Variants in PPP1R37 observed in about 807,000 individuals in gnomAD.
PPP1R37 encodes leucine rich repeat containing 68.
In PPP1R37, 21 loss-of-function variants were observed where a neutral mutation model predicts 61.0. The ratio of observed to expected loss-of-function variants is 0.34; its 90% CI spans 0.24 to 0.50. The LOEUF is 0.50. PPP1R37 is among the 20% of genes least tolerant of loss of function. PPP1R37 has a pLI of 0.98. For missense variants in PPP1R37, 910 were observed against 952.7 expected (o/e 0.96, Z 0.59); for synonymous variants, 443 against 433.5 (o/e 1.02, Z -0.27).
At chr19:45,142,520 C>T (rs775767090) in intron 7 of PPP1R37, 62 bp downstream of exon 7, 141 of 1,476,946 alleles carry the variant, frequency 9.5e-5, no homozygotes, top group South Asian at 2.8e-4. Flanking sequence ...CCCGGCCCTG[C>T]GCTAGGTGGT....
chr19:45,115,800 C>T (rs995741514), intron 1 of PPP1R37, among the ~76,000 whole-genome samples: 1 of 152,064 alleles, frequency 6.6e-6, no homozygotes, highest in Non-Finnish European at 1.5e-5. Context: ...CATGGTGAAA[C>T]CCCGTCTCTG....
At chr19:45,129,496 A>T (rs938819008) in intron 1 of PPP1R37, among the ~76,000 whole-genome samples, 1 of 152,068 alleles carries the variant, frequency 6.6e-6, no homozygotes, top group African/African-American at 2.4e-5. Flanking sequence ...ACAGGGTTTC[A>T]CTATGTTGGC....
At chr19:45,126,198 T>C (rs1968402592) in intron 1 of PPP1R37, among the ~76,000 whole-genome samples, 1 of 152,174 alleles carries the variant, frequency 6.6e-6, no homozygotes, top group South Asian at 2.1e-4. Flanking sequence ...CTGCAGAGCC[T>C]GTGAGGTGGA....
At chr19:45,097,331 G>A (rs538611950) in intron 1 of PPP1R37, among the ~76,000 whole-genome samples, 6 of 152,126 alleles carry the variant, frequency 3.9e-5, no homozygotes, top group African/African-American at 1.4e-4. Context: ...GTCTGAAGGG[G>A]GGAGACTCAG....
At chr19:45,109,923 T>G (rs1199448341) in intron 1 of PPP1R37, among the ~76,000 whole-genome samples, 1 of 152,082 alleles carries the variant, frequency 6.6e-6, no homozygotes, top group Non-Finnish European at 1.5e-5. Context: ...GACTCTTCCC[T>G]CTGTCTGGAA....
chr19:45,115,773 G>A (rs1213260861), intron 1 of PPP1R37, among the ~76,000 whole-genome samples: 6 of 152,088 alleles, frequency 3.9e-5, no homozygotes, highest in Non-Finnish European at 7.3e-5. Context: ...TCCGGAGTTC[G>A]AGACCAGCCT....
At position 45,116,024 on chromosome 19, in the gene PPP1R37, C is replaced by G. The variant is rs544104523; in HGVS notation, c.203-22490C>G. On this transcript the variant is annotated intron_variant, in intron 1 of 12. Transcript: ENST00000221462. ...CACATGGGGGGACTCGGGTGCTTAG[C>G]ACACTGCTTGACTGGGGACCCAGGG... Among the ~76,000 whole-genome samples, 7 of 151,776 alleles carry G rather than the reference C, an allele frequency of 4.6e-5. 1 individual carries two copies. The highest frequency in any genetic ancestry group is 1.7e-4 in the African/African-American group (7 of 41,402).
chr19:45,120,543 T>C (rs1968329384), intron 1 of PPP1R37, among the ~76,000 whole-genome samples: 1 of 152,240 alleles, frequency 6.6e-6, no homozygotes, highest in African/African-American at 2.4e-5. Context: ...CTGCAGTGAC[T>C]GTCCTTACAT....
At chr19:45,128,700 G>C in intron 1 of PPP1R37, 1 of 1,055,712 alleles carries the variant, frequency 9.5e-7, no homozygotes, top group Admixed American at 2.0e-5. Flanking sequence ...TGAGATGTCT[G>C]CTTGGAAGAC....
At position 45,140,622 on chromosome 19, in the gene PPP1R37, A is replaced by T; in HGVS notation, c.447+16A>T. On this transcript the variant is annotated intron_variant, in intron 4 of 12. Coordinates refer to ENST00000221462, the MANE Select transcript of PPP1R37 (RefSeq NM_019121.2). ...GGATGAAGATGTGAGCGGCCCTGCC[A>T]CCGCCCACTTGGCTCCCTGAGCTCC... is the stretch of plus-strand genomic sequence containing the variant. 2 of 1,527,956 alleles carry T rather than the reference A, an allele frequency of 1.3e-6. No individual in the cohort carries two copies. 94.6% of individuals were successfully genotyped at this position (1,527,956 alleles called of 1,614,324 possible). A position where few individuals can be genotyped will look rare whatever the true frequency, so the allele number is the denominator to read the frequency against.
intron 1 of PPP1R37, among the ~76,000 whole-genome samples, chr19:45,114,219 C>G (rs1336363675): frequency 6.6e-6 from 1 of 152,272 alleles, no homozygotes; most frequent in African/African-American, 2.4e-5. Flanking sequence ...GGGCCAGAAT[C>G]CACCTGGGGC....
intron 1 of PPP1R37, among the ~76,000 whole-genome samples, chr19:45,102,585 G>A (rs1297386248): frequency 1.3e-5 from 2 of 152,196 alleles, no homozygotes; most frequent in Non-Finnish European, 2.9e-5. Flanking sequence ...GGCTGTAAGG[G>A]TTAGGCAGGT....
At chr19:45,131,821 T>C (rs1968481127) in intron 1 of PPP1R37, among the ~76,000 whole-genome samples, 1 of 151,966 alleles carries the variant, frequency 6.6e-6, no homozygotes. Context: ...CATCATCACG[T>C]TTTTCTCCAT....
At chr19:45,098,504 C>T (rs1008098150) in intron 1 of PPP1R37, among the ~76,000 whole-genome samples, 22 of 152,216 alleles carry the variant, frequency 1.4e-4, no homozygotes, top group African/African-American at 5.1e-4. Flanking sequence ...GACCATCAGT[C>T]CTCCAGTGTG....
At chr19:45,144,774 C>T (rs1376816749) in intron 8 of PPP1R37, 80 bp from the exon 9 acceptor site, 4 of 1,274,274 alleles carry the variant, frequency 3.1e-6, no homozygotes, top group East Asian at 2.7e-5. Context: ...GCTCTCTTCC[C>T]GGCTTCTTTC....
chr19:45,111,320 G>A (rs1394218070), intron 1 of PPP1R37, among the ~76,000 whole-genome samples: 2 of 151,752 alleles, frequency 1.3e-5, no homozygotes, highest in African/African-American at 4.8e-5. Flanking sequence ...TGTCACCCAG[G>A]CTGGAGTGCA....
At position 45,131,175 on chromosome 19, in the gene PPP1R37, G is replaced by A. The variant is rs532661587; in HGVS notation, c.203-7339G>A. Among the ~76,000 whole-genome samples, 6 of 152,328 alleles carry A rather than the reference G, an allele frequency of 3.9e-5. No individual in the cohort carries two copies. The East Asian group carries it at 9.7e-4, about 25-fold the overall frequency. On this transcript the variant is annotated intron_variant, in intron 1 of 12. Transcript: ENST00000221462. ...CTGTCCCTTTGTGAGGGCCACAGCC[G>A]GCGGGAGTGGGAGGCAAGCTCTGTT...
At position 45,120,924 on chromosome 19, in the gene PPP1R37, T is replaced by C. The variant is rs567956158; in HGVS notation, c.203-17590T>C. 4.6e-5 allele frequency among the ~76,000 whole-genome samples: 7 copies of C among 152,334 alleles called. No individual in the cohort carries two copies. In the South Asian group the frequency reaches 1.4e-3, roughly 32 times the overall value. On this transcript the variant is annotated intron_variant, in intron 1 of 12. Coordinates refer to ENST00000221462, the MANE Select transcript of PPP1R37 (RefSeq NM_019121.2). The stretch of plus-strand genomic sequence containing the variant: ...CGTGACCCACTGTGCCCCGCACATT[T>C]GTACTTTTGACTGGTCTTGCCAAAT...
chr19:45,139,783 G>A (rs552497562), intron 2 of PPP1R37, among the ~76,000 whole-genome samples: 4 of 152,376 alleles, frequency 2.6e-5, no homozygotes, highest in Non-Finnish European at 4.4e-5. Flanking sequence ...CTCAGAGCGC[G>A]GGTGCTGGCA....
Sources: allele counts gnomAD v4.1 joint callset (sites outside exome capture counted in the v4.1 genomes callset), GRCh38; gene constraint gnomAD v4.1.1; transcripts MANE v1.5; gene names NCBI Gene and HGNC (gene_info 2026-07-23, HGNC 2026-07-21).